Variants in NOS2 observed in about 807,000 individuals in gnomAD.
NOS2 encodes the protein nitric oxide synthase, inducible.
Under a neutral mutation model 136.0 loss-of-function variants are expected in NOS2, and 96 were observed. The ratio of observed to expected loss-of-function variants is 0.71; its 90% CI spans 0.60 to 0.84. The LOEUF is 0.84. Among genes scored for constraint, NOS2 ranks in the 40% least tolerant of loss-of-function variants. The pLI is 0.00. For missense variants in NOS2, 1,237 were observed against 1,496.9 expected, an observed-to-expected ratio of 0.83 and a Z score of 2.87; for synonymous variants, 539 against 587.5, an observed-to-expected ratio of 0.92 and a Z score of 1.20.
chr17:27,778,172 G>A (rs551825254), intron 11 of NOS2, among the ~76,000 whole-genome samples: 2 of 152,196 alleles, frequency 1.3e-5, no homozygotes, highest in East Asian at 1.9e-4. Context: ...GGGTGAGGGC[G>A]TCATTTTACA....
chr17:27,781,886 CTCTTTTT>C (rs1350201348), intron 7 of NOS2, 122 bp downstream of exon 7: 1 of 788,044 alleles, frequency 1.3e-6, no homozygotes, highest in Non-Finnish European at 2.1e-6. Context: ...CTGAGTCTTT[CTCTTTTT>C]TCTTTCTCCC....
intron 16 of NOS2, 95 bp from the exon 17 acceptor site, chr17:27,769,246 T>C: frequency 3.2e-6 from 4 of 1,241,902 alleles, no homozygotes; most frequent in Non-Finnish European, 4.4e-6. Flanking sequence ...AGCCCCAGAC[T>C]CTCCCCCTCC....
intron 11 of NOS2, 90 bp downstream of exon 11, chr17:27,778,600 G>A (rs1358133561): frequency 2.9e-6 from 3 of 1,023,954 alleles, no homozygotes; most frequent in Non-Finnish European, 3.1e-6. Context: ...GAGCAAGGGG[G>A]CTTACTTATA....
chr17:27,789,501 C>A, intron 3 of NOS2, 103 bp downstream of exon 3: 1 of 889,468 alleles, frequency 1.1e-6, no homozygotes, highest in Non-Finnish European at 1.8e-6. Context: ...CCATCCAAAC[C>A]CTGGCTTCCT....
rs112510971 is a variant in NOS2, at chr17:27,783,797, G to A, written c.468-691C>T. ...GGACTCAGACCCAGGTCGCCCTGAT[G>A]CCAAGCCCAGGTTCTTAACTGTCAG... On this transcript the variant is annotated intron_variant, in intron 5 of 26. Transcript: ENST00000313735. Among the ~76,000 whole-genome samples, 312 of 152,354 alleles carry A rather than the reference G, an allele frequency of 2.0e-3. 1 individual carries two copies. The highest frequency in any genetic ancestry group is 7.3e-3 in the African/African-American group (302 of 41,582).
At position 27,775,104 on chromosome 17, in the gene NOS2, G is replaced by T. The variant is rs559213578; in HGVS notation, c.1282-653C>A. On this transcript the variant is annotated intron_variant, in intron 11 of 26. Transcript: ENST00000313735. Reference sequence around the variant, plus strand: ...TGGTTCAAACTCTGGCTTTTTATTTGCCATGTGACCTTGAGCAATTAGTTC... The same window carrying T: ...TGGTTCAAACTCTGGCTTTTTATTTTCCATGTGACCTTGAGCAATTAGTTC... Among the ~76,000 whole-genome samples, 3 of 152,322 alleles carry T rather than the reference G, an allele frequency of 2.0e-5. No individual in the cohort carries two copies. In the East Asian group the frequency reaches 5.8e-4, roughly 29 times the overall value.
chr17:27,796,698 G>A (rs1291578068), intron 2 of NOS2, among the ~76,000 whole-genome samples: 2 of 152,152 alleles, frequency 1.3e-5, no homozygotes, highest in Admixed American at 6.5e-5. Flanking sequence ...TGACTTGCTA[G>A]AAGTCCAGTT....
chr17:27,774,488 G>GT, intron 11 of NOS2, 37 bp from the exon 12 acceptor site: 1 of 1,399,700 alleles, frequency 7.1e-7, no homozygotes, highest in African/African-American at 1.5e-5. Flanking sequence ...GGAGATAAGG[G>GT]TGGGGGAATC....
At chr17:27,796,050 C>T (rs142403488) in intron 2 of NOS2, among the ~76,000 whole-genome samples, 48 of 152,028 alleles carry the variant, frequency 3.2e-4, no homozygotes, top group African/African-American at 1.1e-3. Context: ...CAGGGTGATC[C>T]GGAAAGACAG....
chr17:27,759,576 G>A (rs1477327501), intron 25 of NOS2, among the ~76,000 whole-genome samples: 1 of 152,162 alleles, frequency 6.6e-6, no homozygotes, highest in Non-Finnish European at 1.5e-5. Context: ...CCCAAGAGGT[G>A]CCCTGATGGG....
chr17:27,773,286 G>T, intron 12 of NOS2, 43 bp from the exon 13 acceptor site: 1 of 1,410,480 alleles, frequency 7.1e-7, no homozygotes, highest in Non-Finnish European at 1.0e-6. Context: ...CGGGGTCCTG[G>T]CTTGGCTCAG....
chr17:27,769,275 G>A, intron 16 of NOS2, 124 bp from the exon 17 acceptor site: 1 of 1,023,488 alleles, frequency 9.8e-7, no homozygotes, highest in South Asian at 1.6e-5. Context: ...AATGGAGCTG[G>A]ACCCCCTTCT....
At position 27,787,656 on chromosome 17, in the gene NOS2, C is replaced by T. The variant is rs1030755375; in HGVS notation, c.467+22G>A. 4 of 1,595,378 alleles carry T rather than the reference C, an allele frequency of 2.5e-6. No homozygotes were observed. In the African/African-American group the frequency reaches 5.4e-5, roughly 21 times the overall value. On this transcript the variant is annotated intron_variant, in intron 5 of 26. Coordinates refer to ENST00000313735, the MANE Select transcript of NOS2 (RefSeq NM_000625.4). ...CAGGAGGAAGGGCAGGAGGCAGCGA[C>T]CCTGCAGGAGGCAAGCCTTACTCTT...
At chr17:27,762,735 G>A (rs1376944782) in intron 22 of NOS2, 63 bp downstream of exon 22, 2 of 1,202,372 alleles carry the variant, frequency 1.7e-6, no homozygotes, top group African/African-American at 1.5e-5. Flanking sequence ...AATCTGAGTT[G>A]ATGAACAGAT....
chr17:27,761,180 AG>A lies in NOS2; in HGVS notation c.2851del (p.Leu951Ter), dbSNP rs1156441660. On this transcript the variant is annotated frameshift_variant, in exon 23 of 27. Transcript: ENST00000313735. LOFTEE classifies it high-confidence loss of function. ...GCAGGGCACTGGGTCTTGGGGCTTC[AG>A]GCTGTTGAGCCATGTGCTGCAGACG... ...HGVCSTWLNS[L>X]KPQDPVPCFV... 3 of 1,609,154 alleles carry A rather than the reference AG, an allele frequency of 1.9e-6. No homozygotes were observed. The East Asian group carries it at 6.7e-5, about 36-fold the overall frequency.
At chr17:27,781,790 C>T (rs961550734) in intron 7 of NOS2, among the ~76,000 whole-genome samples, 3 of 152,290 alleles carry the variant, frequency 2.0e-5, no homozygotes, top group Admixed American at 1.3e-4. Context: ...AGTGGCTCCA[C>T]ATCAGAAGGA....
chr17:27,791,841 C>T (rs1179189424), intron 2 of NOS2, among the ~76,000 whole-genome samples: 1 of 148,498 alleles, frequency 6.7e-6, no homozygotes, highest in East Asian at 2.0e-4. Flanking sequence ...ATATTCAGAA[C>T]AGATAAGCCA....
intron 5 of NOS2, among the ~76,000 whole-genome samples, chr17:27,786,103 A>G (rs1909015008): frequency 6.6e-6 from 1 of 151,488 alleles, no homozygotes; most frequent in Admixed American, 6.6e-5. Context: ...CCCTAATAGC[A>G]ACACTCCCCT....
Position 27,773,217 on chromosome 17 carries a change from C to A in NOS2, c.1503G>T (p.Trp501Cys), listed in dbSNP as rs1325435196. 6.2e-7 allele frequency: 1 copy of A among 1,614,028 alleles called. No individual in the cohort carries two copies. Among genetic ancestry groups the A allele is most frequent in the East Asian group, 2.2e-5 (1 of 44,882 alleles). The change falls in exon 13 of 27, where the codon TGG becomes TGT. Residue 501 changes from tryptophan (W) to cysteine (C), a missense_variant. Trp to Cys is a radical substitution (Grantham distance 215). Around this residue, in one of 3 missense-constraint regions of NOS2, gnomAD observed 782 missense variants for 909.9 expected, o/e 0.86. Coordinates refer to ENST00000313735, the MANE Select transcript of NOS2 (RefSeq NM_000625.4). The part of the protein sequence containing the change: ...YQVEAWKTHV[W>C]QDEKRRPKRR... ...TCTTGGGTCTCCGCTTCTCGTCCTG[C>A]CAGACATGGGTTTTCCAGGCCTCTA...
Sources: allele counts gnomAD v4.1 joint callset (sites outside exome capture counted in the v4.1 genomes callset), GRCh38; gene constraint gnomAD v4.1.1; regional missense constraint gnomAD v4.1.1; transcripts MANE v1.5; gene names NCBI Gene and HGNC (gene_info 2026-07-23, HGNC 2026-07-21).